The following ARSG variants were observed in gnomAD, a reference collection of about 807,000 sequenced individuals.
ARSG encodes the protein ASG.
ARSG carries 37 observed loss-of-function variants against 50.5 expected under a neutral mutation model. That is an observed-to-expected ratio of 0.73 (90% confidence interval 0.56 to 0.96). The LOEUF (loss-of-function observed/expected upper bound fraction) is 0.96. ARSG is among the 50% of genes least tolerant of loss of function. The pLI is 0.00. For missense variants in ARSG, 629 were observed against 675.3 expected, an observed-to-expected ratio of 0.93 and a Z score of 0.76; for synonymous variants, 225 against 254.6, an observed-to-expected ratio of 0.88 and a Z score of 1.11.
At position 68,412,914 on chromosome 17, in the gene ARSG, G is replaced by A. The variant is rs893575498; in HGVS notation, c.1304-7275G>A. On this transcript the variant is annotated intron_variant, in intron 11 of 11. Coordinates refer to ENST00000621439, the MANE Select transcript of ARSG (RefSeq NM_001267727.2). ...ACCCTTTCTTCCAGTTGATCGCACCGGCTCCTGAGGCTTCTGCATTCTTCA... is the reference window on the plus strand; with the variant it reads ...ACCCTTTCTTCCAGTTGATCGCACCAGCTCCTGAGGCTTCTGCATTCTTCA... 2.2e-3 allele frequency among the ~76,000 whole-genome samples: 336 copies of A among 152,042 alleles called. 2 individuals carry two copies. Among genetic ancestry groups the A allele is most frequent in the African/African-American group, 7.6e-3 (315 of 41,420 alleles).
chr17:68,339,524 T>C (rs1056389897), intron 2 of ARSG, among the ~76,000 whole-genome samples: 1 of 152,208 alleles, frequency 6.6e-6, no homozygotes, highest in Non-Finnish European at 1.5e-5. Context: ...GTTTTGTCTC[T>C]TTAATGGCTT....
At chr17:68,440,007 G>A in the ARSG span, among the ~76,000 whole-genome samples, 2 of 152,176 alleles carry the variant, frequency 1.3e-5, no homozygotes, top group Non-Finnish European at 1.5e-5. Flanking sequence ...GGGAAGAAAC[G>A]TTTAAACTTT....
chr17:68,431,763 C>T, the ARSG span, among the ~76,000 whole-genome samples: 797 of 117,456 alleles, frequency 6.8e-3, 9 homozygotes, highest in South Asian at 0.014. Context: ...TATGAACACC[C>T]GTGGACAGGT....
chr17:68,287,506 G>A (rs1292658453), upstream of ARSG, among the ~76,000 whole-genome samples: 1 of 152,112 alleles, frequency 6.6e-6, no homozygotes, highest in Non-Finnish European at 1.5e-5. Context: ...CCACTGCTGG[G>A]AAGTTAATTC....
chr17:68,447,720 C>A, the ARSG span, among the ~76,000 whole-genome samples: 1 of 152,018 alleles, frequency 6.6e-6, no homozygotes. Flanking sequence ...GGGCCAGGTG[C>A]GGTGGCTCAC....
Position 68,354,022 on chromosome 17 carries a change from CT to C in ARSG, c.566+2353del, listed in dbSNP as rs1239565009. ...TGGCCTTCTTTTTCTTCTTCTTGTT[CT>C]TTTTTTTTTTTTTTTTATTTCAATC... is the stretch of plus-strand genomic sequence containing the variant. On this transcript the variant is annotated intron_variant, in intron 5 of 11. Transcript: ENST00000621439. 3.6e-3 allele frequency among the ~76,000 whole-genome samples: 336 copies of C among 93,766 alleles called. 2 individuals carry two copies. The highest frequency in any genetic ancestry group is 9.0e-3 in the East Asian group (32 of 3,568). 61.5% of individuals were successfully genotyped at this position (93,766 alleles called of 152,430 possible).
chr17:68,429,095 A>G, the ARSG span, among the ~76,000 whole-genome samples: 2 of 152,180 alleles, frequency 1.3e-5, no homozygotes, highest in Non-Finnish European at 2.9e-5. Flanking sequence ...ATTCCTTTGC[A>G]TTCTGGCCTT....
At position 68,335,460 on chromosome 17, in the gene ARSG, A is replaced by G. The variant is rs949505632; in HGVS notation, c.219-8144A>G. ...TCCCAGCTACTCGGGAGGCTGAGAC[A>G]GGAGAATGGCGTGAACCCAGGAGGC... On this transcript the variant is annotated intron_variant, in intron 2 of 11. Transcript: ENST00000621439. 8.6e-5 allele frequency among the ~76,000 whole-genome samples: 13 copies of G among 151,752 alleles called. No individual in the cohort carries two copies. In the East Asian group the frequency reaches 2.5e-3, roughly 29 times the overall value.
At chr17:68,372,357 A>T (rs1241842457) in intron 8 of ARSG, among the ~76,000 whole-genome samples, 1 of 152,182 alleles carries the variant, frequency 6.6e-6, no homozygotes, top group African/African-American at 2.4e-5. Context: ...TGCTATAAAG[A>T]ACTACCTGAG....
downstream of ARSG, chr17:68,427,471 C>G (rs1475629136): frequency 2.8e-6 from 1 of 351,722 alleles, no homozygotes; most frequent in African/African-American, 2.2e-5. Context: ...ATTCTCCTGC[C>G]TCAGCCTCCC....
At chr17:68,424,142 T>C (rs2082989298), downstream of ARSG, among the ~76,000 whole-genome samples, 1 of 152,208 alleles carries the variant, frequency 6.6e-6, no homozygotes. Flanking sequence ...TGGTTTATAG[T>C]TAGGCAGCAT....
downstream of ARSG, chr17:68,427,426 G>A (rs1332671940): frequency 2.6e-5 from 12 of 462,280 alleles, no homozygotes; most frequent in African/African-American, 1.2e-4. Flanking sequence ...GCGCAATCTC[G>A]GCTCACTGCA....
chr17:68,361,425 G>A (rs2079278790), intron 6 of ARSG, among the ~76,000 whole-genome samples: 1 of 152,108 alleles, frequency 6.6e-6, no homozygotes, highest in South Asian at 2.1e-4. Flanking sequence ...AGAACTGGGA[G>A]ACGTAAAGTC....
chr17:68,341,506 A>C (rs949629665), intron 2 of ARSG, among the ~76,000 whole-genome samples: 3 of 152,126 alleles, frequency 2.0e-5, no homozygotes, highest in Non-Finnish European at 4.4e-5. Context: ...CATCTTTTAG[A>C]TTGATTCCAA....
At chr17:68,355,594 A>G (rs910217640) in intron 5 of ARSG, among the ~76,000 whole-genome samples, 2 of 152,108 alleles carry the variant, frequency 1.3e-5, no homozygotes, top group African/African-American at 2.4e-5. Context: ...ACCTTAGGTG[A>G]TCCACCCGCC....
At chr17:68,340,163 T>C (rs2078204189) in intron 2 of ARSG, among the ~76,000 whole-genome samples, 2 of 152,168 alleles carry the variant, frequency 1.3e-5, no homozygotes, top group Admixed American at 6.5e-5. Context: ...ATTACGAATT[T>C]TTAGGGTGTG....
intron 2 of ARSG, among the ~76,000 whole-genome samples, chr17:68,343,279 C>T (rs1329543415): frequency 6.6e-6 from 1 of 152,172 alleles, no homozygotes; most frequent in Non-Finnish European, 1.5e-5. Flanking sequence ...GTCTCAGCCT[C>T]CTGAGTAGCC....
chr17:68,262,271 A>T (rs1452574806), intron 1 of ARSG, among the ~76,000 whole-genome samples: 3 of 151,980 alleles, frequency 2.0e-5, no homozygotes, highest in Non-Finnish European at 4.4e-5. Flanking sequence ...GGAGATCGAG[A>T]CCATCCTGGC....
At chr17:68,364,229 C>G (rs900072418) in intron 6 of ARSG, among the ~76,000 whole-genome samples, 1 of 152,078 alleles carries the variant, frequency 6.6e-6, no homozygotes, top group Non-Finnish European at 1.5e-5. Flanking sequence ...TTTTTTCCTT[C>G]TCTACTCACC....
Sources: allele counts gnomAD v4.1 joint callset (sites outside exome capture counted in the v4.1 genomes callset), GRCh38; gene constraint gnomAD v4.1.1; transcripts MANE v1.5; gene names NCBI Gene and HGNC (gene_info 2026-07-23, HGNC 2026-07-21).